The following AKAP9 variants were observed in gnomAD, a reference collection of about 807,000 sequenced individuals.
AKAP9 encodes the protein A-kinase anchor protein 9.
AKAP9 carries 311 observed loss-of-function variants against 488.5 expected under a neutral mutation model. The observed-to-expected ratio is 0.64, with a 90% CI of 0.58 to 0.70. AKAP9 has a LOEUF of 0.70. Ranked by LOEUF, AKAP9 falls within the 30% of genes least tolerant of loss-of-function variation. The pLI, the probability that AKAP9 is intolerant of heterozygous loss-of-function variation, is 0.00. For missense variants in AKAP9, 4,215 were observed against 4,374.5 expected (o/e 0.96, Z 1.03); for synonymous variants, 1,462 against 1,483.5 (o/e 0.99, Z 0.33).
intron 46 of AKAP9, among the ~76,000 whole-genome samples, 182 bp downstream of exon 46, chr7:92,103,008 C>A (rs1647162708): frequency 6.6e-6 from 1 of 152,010 alleles, no homozygotes. Context: ...GGAATACTGG[C>A]AGGGTATGTG....
chr7:91,954,643 A>T (rs574313153), intron 1 of AKAP9, among the ~76,000 whole-genome samples: 1 of 152,384 alleles, frequency 6.6e-6, no homozygotes, highest in African/African-American at 2.4e-5. Context: ...CTACTCATAG[A>T]GTAATCATCT....
Position 92,095,154 on chromosome 7 carries a change from G to A in AKAP9, c.9710G>A (p.Arg3237Gln), listed in dbSNP as rs757123477. 6.8e-6 allele frequency: 11 copies of A among 1,613,996 alleles called. No individual in the cohort carries two copies. The highest frequency in any genetic ancestry group is 2.2e-5 in the South Asian group (2 of 91,072). ...EKAKLGRSEERDKEELEDLKF... is the reference protein window; with the variant it reads ...EKAKLGRSEEQDKEELEDLKF... ...GCCAAGTTGGGACGCAGTGAAGAAC[G>A]GGATAAAGAAGAACTTGAGGTACTG... Residue 3237 changes from arginine (R) to glutamine (Q), a missense_variant, in exon 40 of 50, where the codon CGG becomes CAG. Physicochemically the swap from Arg to Gln is conservative, Grantham distance 43 (BLOSUM62 1). Transcript: ENST00000356239.
At chr7:92,015,692 A>G (rs1801421956) in intron 10 of AKAP9, among the ~76,000 whole-genome samples, 1 of 151,964 alleles carries the variant, frequency 6.6e-6, no homozygotes, top group African/African-American at 2.4e-5. Context: ...AAGTATATGA[A>G]TGTTACTCTT....
At chr7:91,998,350 G>A (rs1331147055) in intron 7 of AKAP9, among the ~76,000 whole-genome samples, 2 of 147,398 alleles carry the variant, frequency 1.4e-5, no homozygotes, top group Non-Finnish European at 3.0e-5. Flanking sequence ...TCCCATTGGT[G>A]CCGTAGCATA....
chr7:91,949,240 G>T (rs949223938), intron 1 of AKAP9, among the ~76,000 whole-genome samples: 1 of 152,096 alleles, frequency 6.6e-6, no homozygotes, highest in Admixed American at 6.6e-5. Flanking sequence ...GTAGAAATAC[G>T]TATCCCCAGT....
intron 27 of AKAP9, 98 bp from the exon 28 acceptor site, chr7:92,070,807 A>T: frequency 7.7e-6 from 1 of 130,142 alleles, no homozygotes; most frequent in Non-Finnish European, 1.1e-5. Flanking sequence ...GCTGCTTCTC[A>T]AAAAAAAAAA....
rs540721752 is a variant in AKAP9 at position 91,963,048 on chromosome 7, A to G, written c.49-10663A>G. ...CTGAAATTGAGCATAAATATCAAAA[A>G]TGCTATTAATTTCTTTTGGTTTTGC... On this transcript the variant is annotated intron_variant, in intron 1 of 49. Transcript: ENST00000356239. Among the ~76,000 whole-genome samples, 3 of 152,314 alleles carry G rather than the reference A, an allele frequency of 2.0e-5. No homozygotes were observed. In the East Asian group the frequency reaches 5.8e-4, roughly 29 times the overall value.
chr7:92,060,971 A>G (rs752762663), intron 22 of AKAP9, among the ~76,000 whole-genome samples: 2 of 152,172 alleles, frequency 1.3e-5, no homozygotes, highest in Non-Finnish European at 2.9e-5. Context: ...TTATATGATA[A>G]AGTACACAGC....
At chr7:92,091,734 T>A (rs1453720743) in intron 38 of AKAP9, among the ~76,000 whole-genome samples, 2 of 152,040 alleles carry the variant, frequency 1.3e-5, no homozygotes, top group African/African-American at 4.8e-5. Flanking sequence ...TAATTGAAGA[T>A]GTCTTTTAGA....
intron 1 of AKAP9, among the ~76,000 whole-genome samples, chr7:91,951,023 A>C (rs531588209): frequency 6.6e-6 from 1 of 152,190 alleles, no homozygotes; most frequent in African/African-American, 2.4e-5. Context: ...TCAACAAGAG[A>C]ACTCTCACTT....
In AKAP9 at chr7:91,973,916, G is replaced by C; in HGVS notation, c.254G>C (p.Arg85Thr). ...GTGATTCCTGAATCTACAATAATGA[G>C]AACTCTACATAGTGGAGAAATAACC... ...STVIPESTIMRTLHSGEITSH... is the reference protein window; with the variant it reads ...STVIPESTIMTTLHSGEITSH... Residue 85 changes from arginine (R) to threonine (T), a missense_variant, in exon 2 of 50, where the codon AGA becomes ACA. Around this residue, in one of 5 missense-constraint regions of AKAP9, gnomAD observed 2,361 missense variants for 2,430.0 expected, o/e 0.97. Transcript: ENST00000356239. 1.2e-6 allele frequency: 2 copies of C among 1,613,910 alleles called. No homozygotes were observed. Among genetic ancestry groups the C allele is most frequent in the Non-Finnish European group, 1.7e-6 (2 of 1,179,952 alleles).
chr7:92,105,646 G>A, intron 46 of AKAP9, 32 bp from the exon 47 acceptor site: 1 of 1,481,520 alleles, frequency 6.7e-7, no homozygotes, highest in Non-Finnish European at 9.4e-7. Flanking sequence ...TTATAGATGG[G>A]CTGTGAAATT....
Position 91,992,997 on chromosome 7 carries a change from A to G in AKAP9, c.518A>G (p.Glu173Gly), listed in dbSNP as rs1443093147. Residue 173 changes from glutamate to glycine, a missense_variant, in exon 5 of 50, where the codon GAG becomes GGG. Transcript: ENST00000356239. Reference sequence around the variant, plus strand: ...GCTGGGAAGCAGCATGAGATTGAAGAGCTAAACAGAGAGCTGGAAGAAATG... The same window carrying G: ...GCTGGGAAGCAGCATGAGATTGAAGGGCTAAACAGAGAGCTGGAAGAAATG... ...ELAGKQHEIE[E>G]LNRELEEMRV... 1 of 1,614,116 alleles carries G rather than the reference A, an allele frequency of 6.2e-7. No individual in the cohort carries two copies. Among genetic ancestry groups the G allele is most frequent in the South Asian group, 1.1e-5 (1 of 91,088 alleles).
At chr7:92,021,340 G>T (rs928062161) in intron 12 of AKAP9, among the ~76,000 whole-genome samples, 19 of 152,084 alleles carry the variant, frequency 1.2e-4, no homozygotes, top group African/African-American at 4.1e-4. Flanking sequence ...TTTTACTCTT[G>T]TCACAGTGCT....
intron 1 of AKAP9, among the ~76,000 whole-genome samples, chr7:91,966,084 G>C (rs1794414956): frequency 6.6e-6 from 1 of 152,058 alleles, no homozygotes; most frequent in Non-Finnish European, 1.5e-5. Context: ...ATAGATCTAT[G>C]TCTCACTATG....
chr7:92,045,830 C>CTTT lies in AKAP9; in HGVS notation c.5368+636_5368+638dup, dbSNP rs35346628. ...GTGGATTCAGCTCTTCTTTCCGTTTCTTTTTTTTTTTTTTTTTTTTTGAGA... is the reference window on the plus strand; with the variant it reads ...GTGGATTCAGCTCTTCTTTCCGTTTCTTTTTTTTTTTTTTTTTTTTTTTTGAGA... On this transcript the variant is annotated intron_variant, in intron 21 of 49. Transcript: ENST00000356239. Among the ~76,000 whole-genome samples, 592 of 108,852 alleles carry CTTT rather than the reference C, an allele frequency of 5.4e-3. 1 individual carries two copies. Among genetic ancestry groups the CTTT allele is most frequent in the Non-Finnish European group, 8.3e-3 (442 of 53,430 alleles). 71.4% of individuals were successfully genotyped at this position (108,852 alleles called of 152,430 possible).
intron 11 of AKAP9, 59 bp from the exon 12 acceptor site, chr7:92,016,958 G>A (rs993698989): frequency 7.9e-6 from 10 of 1,262,876 alleles, no homozygotes; most frequent in Non-Finnish European, 1.0e-5. Flanking sequence ...AATATTTATT[G>A]AAAGATGCAG....
chr7:92,009,554 AAT>A (rs1015207312), intron 8 of AKAP9, among the ~76,000 whole-genome samples: 1 of 152,222 alleles, frequency 6.6e-6, no homozygotes, highest in Admixed American at 6.5e-5. Flanking sequence ...ACTCTCAACG[AAT>A]ATATAATTGC....
At chr7:92,097,973 T>A (rs186022740) in intron 42 of AKAP9, 136 bp from the exon 43 acceptor site, 214 of 861,390 alleles carry the variant, frequency 2.5e-4, no homozygotes, top group Non-Finnish European at 3.1e-4. Flanking sequence ...TCTAACACTT[T>A]GACCCAGGGA....
Sources: gnomAD v4.1 joint callset for allele counts (sites outside exome capture counted in the v4.1 genomes callset) on GRCh38, gnomAD v4.1.1 for gene constraint, gnomAD v4.1.1 regional missense constraint, MANE v1.5 for transcripts, NCBI Gene and HGNC (gene_info 2026-07-23, HGNC 2026-07-21) for gene names.